Variants in UBR4 observed in about 807,000 individuals in gnomAD.
UBR4 encodes the protein E3 ubiquitin-protein ligase UBR4.
A neutral mutation model predicts 575.6 loss-of-function variants in UBR4; 124 were observed. The observed-to-expected ratio is 0.22, with a 90% CI of 0.19 to 0.25. The LOEUF (loss-of-function observed/expected upper bound fraction) is 0.25. Ranked by LOEUF, UBR4 falls within the 10% of genes least tolerant of loss-of-function variation. The pLI is 1.00. For missense variants in UBR4, 4,818 were observed against 6,478.8 expected, an observed-to-expected ratio of 0.74 and a Z score of 8.80; for synonymous variants, 2,455 against 2,473.7, an observed-to-expected ratio of 0.99 and a Z score of 0.22.
At chr1:19,120,115 AG>A in intron 69 of UBR4, 64 bp downstream of exon 69, 1 of 1,564,374 alleles carries the variant, frequency 6.4e-7, no homozygotes, top group Admixed American at 1.7e-5. Flanking sequence ...AAAACAAAAT[AG>A]AACTGCATTA....
At chr1:19,185,822 A>T (rs1407330313) in intron 14 of UBR4, among the ~76,000 whole-genome samples, 2 of 152,078 alleles carry the variant, frequency 1.3e-5, no homozygotes, top group Admixed American at 1.3e-4. Context: ...TGCCCACCTC[A>T]GCCTCCCAAA....
chr1:19,088,552 T>C lies in UBR4; in HGVS notation c.14430+207A>G, dbSNP rs918292700. Among the ~76,000 whole-genome samples the C allele has an allele frequency of 1.3e-5, 2 of 152,208 alleles. No individual in the cohort carries two copies. Among genetic ancestry groups the C allele is most frequent in the Non-Finnish European group, 2.9e-5 (2 of 68,030 alleles). On this transcript the variant is annotated intron_variant, in intron 98 of 105. Coordinates refer to ENST00000375254, the MANE Select transcript of UBR4 (RefSeq NM_020765.3). This position sits in a 1 kb window ranked among gnomAD's most constrained non-coding sequence, Gnocchi z 4.0. ...TATTATCACTGGTTTACTGTTTTGG[T>C]AAACTTCGTAAGTCACTTACTCCGA...
At chr1:19,092,746 C>A in intron 97 of UBR4, 73 bp downstream of exon 97, 2 of 1,270,144 alleles carry the variant, frequency 1.6e-6, no homozygotes, top group Middle Eastern at 2.0e-4. Context: ...TAGGGTAAGT[C>A]ATGTCTCAAG....
At position 19,106,642 on chromosome 1, in the gene UBR4, T is replaced by C; in HGVS notation, c.12320A>G (p.Gln4107Arg). Residue 4107 changes from glutamine to arginine, a missense_variant, in exon 83 of 106, where the codon CAG becomes CGG. Coordinates refer to ENST00000375254, the MANE Select transcript of UBR4 (RefSeq NM_020765.3). ...CCTCTTCCCCCGACGACTCAGGAAC[T>C]GTTTCCACCTCCACACATACTTCTC... is the stretch of plus-strand genomic sequence containing the variant. The part of the protein sequence containing the change: ...LTEKYVWRWK[Q>R]FLSRRGKRTS... 1 of 1,609,242 alleles carries C rather than the reference T, an allele frequency of 6.2e-7. No individual in the cohort carries two copies. Among genetic ancestry groups the C allele is most frequent in the Non-Finnish European group, 8.5e-7 (1 of 1,177,850 alleles).
intron 27 of UBR4, among the ~76,000 whole-genome samples, chr1:19,169,175 A>G (rs2089086253): frequency 6.6e-6 from 1 of 152,204 alleles, no homozygotes. Flanking sequence ...TCACAGCCCA[A>G]TATTCAATTG....
Position 19,187,551 on chromosome 1 carries a change from AAAAAGG to A in UBR4, c.1395-17_1395-12del. The A allele has an allele frequency of 1.2e-6, 2 of 1,609,676 alleles. No individual in the cohort carries two copies. Among genetic ancestry groups the A allele is most frequent in the Non-Finnish European group, 1.7e-6 (2 of 1,176,966 alleles). On this transcript the variant is annotated splice_polypyrimidine_tract_variant and intron_variant, in intron 11 of 105. Transcript: ENST00000375254. ...CCAAATCCCTGATGCCTACACAAAG[AAAAAGG>A]AAAACACAATCCTTAAAATAATTAA...
intron 53 of UBR4, 29 bp from the exon 54 acceptor site, chr1:19,144,936 A>G: frequency 6.2e-7 from 1 of 1,611,396 alleles, no homozygotes; most frequent in Non-Finnish European, 8.5e-7. Context: ...TTATTTGAAA[A>G]TCTGGAGGAA....
chr1:19,169,604 G>A, intron 26 of UBR4, 72 bp from the exon 27 acceptor site: 1 of 1,306,198 alleles, frequency 7.7e-7, no homozygotes, highest in Admixed American at 2.2e-5. Flanking sequence ...TAAAAGCCAA[G>A]CCCAAATGCA....
chr1:19,145,506 G>GACACACACACACAC (rs1557773651), intron 53 of UBR4, among the ~76,000 whole-genome samples: 5 of 43,374 alleles, frequency 1.2e-4, no homozygotes, highest in African/African-American at 4.4e-4. Flanking sequence ...ATAAACCACT[G>GACACACACACACAC]AGACACACAC....
chr1:19,098,449 T>C (rs1448782371), intron 90 of UBR4, among the ~76,000 whole-genome samples: 1 of 152,264 alleles, frequency 6.6e-6, no homozygotes, highest in Non-Finnish European at 1.5e-5. Context: ...TGCTTCACCA[T>C]TCAAGGGAGA....
At position 19,093,799 on chromosome 1, in the gene UBR4, T is replaced by A. The variant is rs2077760775; in HGVS notation, c.13937+150A>T. The A allele has an allele frequency of 2.1e-6, 2 of 938,518 alleles. No individual in the cohort carries two copies. Among genetic ancestry groups the A allele is most frequent in the Non-Finnish European group, 3.1e-6 (2 of 641,158 alleles). 58.1% of individuals were successfully genotyped at this position (938,518 alleles called of 1,614,324 possible). On this transcript the variant is annotated intron_variant, in intron 95 of 105. Transcript: ENST00000375254. This position sits in a 1 kb window ranked among gnomAD's most constrained non-coding sequence, Gnocchi z 4.8. The stretch of plus-strand genomic sequence containing the variant: ...CTCTAATACAGTATATTTTAACTAT[T>A]CACTTCCCAACTAGACTGAGCTCCT...
At chr1:19,184,627 CTA>C (rs1230379405) in intron 15 of UBR4, among the ~76,000 whole-genome samples, 1 of 152,046 alleles carries the variant, frequency 6.6e-6, no homozygotes, top group Non-Finnish European at 1.5e-5. Flanking sequence ...TGACTGTAAG[CTA>C]TATATATGAA....
At position 19,100,055 on chromosome 1, in the gene UBR4, G is replaced by T; in HGVS notation, c.13221+321C>A. 1 of 426,608 alleles carries T rather than the reference G, an allele frequency of 2.3e-6. No homozygotes were observed. The allele number at this position is 426,608 out of a possible 1,614,324, so 26.4% of individuals were successfully genotyped here. On this transcript the variant is annotated intron_variant, in intron 89 of 105. Transcript: ENST00000375254. The surrounding 1 kb of genome is among the most constrained non-coding windows in gnomAD (Gnocchi z 4.2). ...AGGGGGTAAAACGCCAATATTTAGG[G>T]GGCTCAGGTAACTCAGACTCACCGA...
chr1:19,082,007 T>C, intron 102 of UBR4: 1 of 576,448 alleles, frequency 1.7e-6, no homozygotes, highest in Admixed American at 3.1e-5. Flanking sequence ...CCCTGGTGGG[T>C]CCACAGCCTG....
In UBR4 at chr1:19,160,130, T is replaced by G. The variant is rs866215693; in HGVS notation, c.5558A>C (p.Glu1853Ala). 2.5e-6 allele frequency: 4 copies of G among 1,612,418 alleles called. No homozygotes were observed. Among genetic ancestry groups the G allele is most frequent in the Non-Finnish European group, 3.4e-6 (4 of 1,179,394 alleles). ...SELHTVEKAV[E>A]MTDQLMVPTL... is the part of the protein sequence containing the mutation. The stretch of plus-strand genomic sequence containing the variant: ...ACTCACCATCAGCTGGTCTGTCATC[T>G]CCACTGCCTTCTCCACAGTGTGTAG... Residue 1853 changes from glutamate to alanine, a missense_variant, in exon 39 of 106, where the codon GAG becomes GCG. By Grantham distance (107) the Glu-to-Ala change is moderately radical. This residue lies in a region of UBR4 where 159 missense variants were observed against 174.6 expected (regional missense o/e 0.91). Coordinates refer to ENST00000375254, the MANE Select transcript of UBR4 (RefSeq NM_020765.3).
In UBR4 at chr1:19,174,982, T is replaced by C. The variant is rs369533177; in HGVS notation, c.2825A>G (p.Glu942Gly). 3.1e-6 allele frequency: 5 copies of C among 1,613,906 alleles called. No individual in the cohort carries two copies. The highest frequency in any genetic ancestry group is 4.2e-6 in the Non-Finnish European group (5 of 1,179,946). ...FYCVLSPEAS[E>G]DDLNRLDSVA... is the part of the protein sequence containing the mutation. ...AGAATCAAGTCGGTTCAAATCATCC[T>C]CTGAGGCTTCTGGGGACAGGACACA... Residue 942 changes from glutamate (E) to glycine (G), a missense_variant, in exon 21 of 106, where the codon GAG becomes GGG. Glu to Gly is a moderately conservative substitution (Grantham distance 98). Transcript: ENST00000375254.
intron 27 of UBR4, among the ~76,000 whole-genome samples, chr1:19,168,769 C>A (rs1011917610): frequency 9.2e-5 from 14 of 151,832 alleles, no homozygotes; most frequent in East Asian, 3.9e-4. Context: ...GGAGGTCAGG[C>A]GATCGAGACC....
Position 19,094,992 on chromosome 1 carries a change from C to T in UBR4, c.13660G>A (p.Gly4554Arg), listed in dbSNP as rs995193025. The T allele has an allele frequency of 6.2e-7, 1 of 1,614,202 alleles. No homozygotes were observed. The highest frequency in any genetic ancestry group is 8.5e-7 in the Non-Finnish European group (1 of 1,180,036). The change falls in exon 94 of 106, where the codon GGG (glycine) becomes AGG (arginine). Residue 4554 changes from glycine to arginine, a missense_variant. Physicochemically the swap from Gly to Arg is moderately radical, Grantham distance 125. This residue lies in a region of UBR4 where 165 missense variants were observed against 282.3 expected (regional missense o/e 0.58). Coordinates refer to ENST00000375254, the MANE Select transcript of UBR4 (RefSeq NM_020765.3). ...ACCTGCTCAGCCACAGCTGCACCCC[C>T]ACTGTCCTTGCTTTCTTGTTCAGCT... ...LVAEQESKDS[G>R]GAAVAEQVLS...
At chr1:19,172,510 C>T (rs538603668) in intron 25 of UBR4, among the ~76,000 whole-genome samples, 1 of 152,140 alleles carries the variant, frequency 6.6e-6, no homozygotes, top group South Asian at 2.1e-4. Context: ...GAGCGAGATG[C>T]CATCTCAGAA....
Sources: allele counts gnomAD v4.1 joint callset (sites outside exome capture counted in the v4.1 genomes callset), GRCh38; gene constraint gnomAD v4.1.1; regional missense constraint gnomAD v4.1.1; non-coding constraint Gnocchi (gnomAD v3.1); transcripts MANE v1.5; gene names NCBI Gene and HGNC (gene_info 2026-07-23, HGNC 2026-07-21).